Variants in TCERG1L observed in about 807,000 individuals in gnomAD.
The protein encoded by TCERG1L is transcription elongation regulator 1 like.
TCERG1L carries 37 observed loss-of-function variants against 56.3 expected under a neutral mutation model. That is an observed-to-expected ratio of 0.66 (90% confidence interval 0.51 to 0.87). The LOEUF (loss-of-function observed/expected upper bound fraction) is 0.87. Among genes scored for constraint, TCERG1L ranks in the 40% least tolerant of loss-of-function variants. TCERG1L has a pLI of 0.00. For missense variants in TCERG1L, 799 were observed against 774.2 expected (o/e 1.03, Z -0.38); for synonymous variants, 324 against 326.3 (o/e 0.99, Z 0.08).
At chr10:131,143,354 A>G (rs1845758275) in intron 7 of TCERG1L, among the ~76,000 whole-genome samples, 1 of 152,046 alleles carries the variant, frequency 6.6e-6, no homozygotes, top group Admixed American at 6.5e-5. Context: ...GACCCCTTGG[A>G]GGCACTAACA....
At chr10:131,231,562 G>A (rs1461925766) in intron 4 of TCERG1L, among the ~76,000 whole-genome samples, 6 of 152,048 alleles carry the variant, frequency 3.9e-5, no homozygotes, top group Non-Finnish European at 8.8e-5. Flanking sequence ...ACACAGATCC[G>A]AGCCCCTCCG....
At chr10:131,254,161 G>C (rs1481947337) in intron 4 of TCERG1L, among the ~76,000 whole-genome samples, 1 of 151,940 alleles carries the variant, frequency 6.6e-6, no homozygotes, top group Non-Finnish European at 1.5e-5. Flanking sequence ...TCACAGACTG[G>C]GAAGGCACCA....
chr10:131,247,998 T>TACAC (rs35721508), intron 4 of TCERG1L, among the ~76,000 whole-genome samples: 1 of 149,534 alleles, frequency 6.7e-6, no homozygotes, highest in East Asian at 2.0e-4. Context: ...CAGGTGCACA[T>TACAC]ACACACACAC....
At chr10:131,179,272 C>A (rs552736303) in intron 4 of TCERG1L, among the ~76,000 whole-genome samples, 2 of 152,348 alleles carry the variant, frequency 1.3e-5, no homozygotes, top group African/African-American at 4.8e-5. Context: ...CAGGTCACAG[C>A]GAGAGGCCAG....
At chr10:131,256,025 G>A (rs376584588) in intron 4 of TCERG1L, among the ~76,000 whole-genome samples, 11 of 152,284 alleles carry the variant, frequency 7.2e-5, no homozygotes, top group East Asian at 3.9e-4. Flanking sequence ...AAATGAACAC[G>A]TGTTTCCCGC....
At chr10:131,261,698 C>G (rs1232427852) in intron 3 of TCERG1L, among the ~76,000 whole-genome samples, 1 of 152,228 alleles carries the variant, frequency 6.6e-6, no homozygotes, top group African/African-American at 2.4e-5. Flanking sequence ...GAGCAGTGAA[C>G]AAAACACTGG....
chr10:131,179,574 G>A (rs867980688), intron 4 of TCERG1L, among the ~76,000 whole-genome samples: 2 of 152,116 alleles, frequency 1.3e-5, no homozygotes, highest in African/African-American at 4.8e-5. Context: ...CCAGCCGTGT[G>A]ACCCTGCAAA....
intron 4 of TCERG1L, among the ~76,000 whole-genome samples, chr10:131,238,442 G>A (rs1845937317): frequency 6.6e-6 from 1 of 152,160 alleles, no homozygotes; most frequent in Non-Finnish European, 1.5e-5. Context: ...CAGCTGCAGG[G>A]CTGCCCACAC....
intron 4 of TCERG1L, among the ~76,000 whole-genome samples, chr10:131,252,888 C>T (rs1846127097): frequency 6.6e-6 from 1 of 152,196 alleles, no homozygotes; most frequent in Non-Finnish European, 1.5e-5. Flanking sequence ...ATGGGTGACT[C>T]CTTCCTCCCT....
At chr10:131,151,219 A>T (rs1048853645) in intron 6 of TCERG1L, among the ~76,000 whole-genome samples, 3 of 152,182 alleles carry the variant, frequency 2.0e-5, no homozygotes, top group African/African-American at 7.2e-5. Context: ...TCATTCCAGC[A>T]TTAACCGAAA....
intron 6 of TCERG1L, among the ~76,000 whole-genome samples, chr10:131,160,445 C>T (rs1845965221): frequency 6.6e-6 from 1 of 152,162 alleles, no homozygotes; most frequent in Admixed American, 6.5e-5. Context: ...AGCCCCTGGC[C>T]CTACACCCCG....
chr10:131,169,366 C>T (rs1043566618), intron 4 of TCERG1L, among the ~76,000 whole-genome samples: 2 of 152,140 alleles, frequency 1.3e-5, no homozygotes, highest in African/African-American at 4.8e-5. Flanking sequence ...AGCCCCCTGA[C>T]TGAGGCACAA....
At position 131,231,366 on chromosome 10, in the gene TCERG1L, T is replaced by C. The variant is rs532930651; in HGVS notation, c.856+28893A>G. ...CTAAGAGCCTACCGTGTGCTTCCTGTGCCTCCACAGCCCCACCCTTACCGG... is the reference window on the plus strand; with the variant it reads ...CTAAGAGCCTACCGTGTGCTTCCTGCGCCTCCACAGCCCCACCCTTACCGG... On this transcript the variant is annotated intron_variant, in intron 4 of 11. Transcript: ENST00000368642. Among the ~76,000 whole-genome samples, 19 of 152,304 alleles carry C rather than the reference T, an allele frequency of 1.2e-4. 1 individual carries two copies. In the South Asian group the frequency reaches 3.9e-3, roughly 32 times the overall value.
In TCERG1L at chr10:131,182,390, G is replaced by A. The variant is rs139875546; in HGVS notation, c.857-15505C>T. ...CTAGCTGGGGAGCTAGCACCGGGAG[G>A]GCATTAGTAAGCAACTAATTTAAAA... On this transcript the variant is annotated intron_variant, in intron 4 of 11. Coordinates refer to ENST00000368642, the MANE Select transcript of TCERG1L (RefSeq NM_174937.4). Among the ~76,000 whole-genome samples, 3 of 152,258 alleles carry A rather than the reference G, an allele frequency of 2.0e-5. No individual in the cohort carries two copies. In the East Asian group the frequency reaches 5.8e-4, roughly 29 times the overall value.
intron 8 of TCERG1L, among the ~76,000 whole-genome samples, chr10:131,117,716 G>C (rs549981174): frequency 6.6e-6 from 1 of 152,204 alleles, no homozygotes; most frequent in Non-Finnish European, 1.5e-5. Context: ...GGGCAGGGAG[G>C]CTGGACCCTA....
intron 8 of TCERG1L, among the ~76,000 whole-genome samples, chr10:131,126,626 C>T (rs1110081): frequency 4.3e-4 from 65 of 152,192 alleles, no homozygotes; most frequent in Non-Finnish European, 7.5e-4. Flanking sequence ...GCTTCAGTGC[C>T]GGCTGCCAGG....
chr10:131,288,600 T>TA (rs1846572523), intron 3 of TCERG1L, among the ~76,000 whole-genome samples: 1 of 152,136 alleles, frequency 6.6e-6, no homozygotes, highest in Non-Finnish European at 1.5e-5. Context: ...TCTGTGCCTA[T>TA]AAAAATTACC....
intron 7 of TCERG1L, among the ~76,000 whole-genome samples, chr10:131,134,750 C>A (rs576665152): frequency 5.3e-5 from 8 of 152,268 alleles, no homozygotes; most frequent in African/African-American, 1.9e-4. Flanking sequence ...CTCTGCTCAG[C>A]CTCAAGACGA....
chr10:131,281,813 A>ATG (rs1846458482), intron 3 of TCERG1L, among the ~76,000 whole-genome samples: 1 of 141,038 alleles, frequency 7.1e-6, no homozygotes, highest in Non-Finnish European at 1.6e-5. Context: ...CACCTCCAAC[A>ATG]CCTAAAAGTG....
Sources: allele counts gnomAD v4.1 joint callset (sites outside exome capture counted in the v4.1 genomes callset), GRCh38; gene constraint gnomAD v4.1.1; transcripts MANE v1.5; gene names NCBI Gene and HGNC (gene_info 2026-07-23, HGNC 2026-07-21).